Variants in STK32B observed in about 807,000 individuals in gnomAD.
The protein encoded by STK32B is serine/threonine kinase 32B, also known as serine/threonine-protein kinase 32B.
Under a neutral mutation model 52.6 loss-of-function variants are expected in STK32B, and 43 were observed. That is an observed-to-expected ratio of 0.82 (90% CI 0.64 to 1.05). The LOEUF (loss-of-function observed/expected upper bound fraction) is 1.05, where lower values mean the gene tolerates loss of function less well. STK32B is among the 50% of genes least tolerant of loss of function. The probability of loss-of-function intolerance (pLI) is 0.00; values close to 1 mark genes in which losing one functional copy is unlikely to be tolerated. For missense variants in STK32B, 621 were observed against 534.6 expected (o/e 1.16, Z -1.59); for synonymous variants, 238 against 204.3 (o/e 1.17, Z -1.41).
At chr4:5,447,638 A>G (rs923307897) in intron 7 of STK32B, among the ~76,000 whole-genome samples, 34 of 152,220 alleles carry the variant, frequency 2.2e-4, no homozygotes, top group Non-Finnish European at 2.6e-4. Context: ...CCTGTCTCAG[A>G]AAAAGAAAGT....
At chr4:5,314,326 A>G (rs67737611) in intron 3 of STK32B, among the ~76,000 whole-genome samples, 17,782 of 152,216 alleles carry the variant, frequency 0.12, 2,630 homozygotes, top group African/African-American at 0.35. Flanking sequence ...GTAATTGGAC[A>G]ACTGTAAGCA....
chr4:5,113,862 A>T (rs1424028357), intron 1 of STK32B, among the ~76,000 whole-genome samples: 1 of 152,160 alleles, frequency 6.6e-6, no homozygotes, highest in East Asian at 1.9e-4. Context: ...GGCAAGGAGG[A>T]CCGAATCACA....
At chr4:5,458,061 ACCAG>A (rs1254542040) in intron 8 of STK32B, among the ~76,000 whole-genome samples, 17 of 152,166 alleles carry the variant, frequency 1.1e-4, no homozygotes, top group Non-Finnish European at 2.2e-4. Context: ...TGGGCCTAGG[ACCAG>A]CCAGCATCAG....
intron 9 of STK32B, among the ~76,000 whole-genome samples, chr4:5,462,404 C>CTGTG (rs375327182): frequency 1.3e-5 from 2 of 150,096 alleles, no homozygotes; most frequent in African/African-American, 4.9e-5. Context: ...GTGTGTGCAT[C>CTGTG]TGTGTGTGTG....
chr4:5,253,233 C>A (rs75229249), intron 3 of STK32B, among the ~76,000 whole-genome samples: 1 of 152,062 alleles, frequency 6.6e-6, no homozygotes, highest in Non-Finnish European at 1.5e-5. Flanking sequence ...TTCCCTTCAA[C>A]TCTGCTTGAA....
intron 3 of STK32B, among the ~76,000 whole-genome samples, chr4:5,279,224 A>G (rs1360652489): frequency 6.6e-6 from 1 of 152,228 alleles, no homozygotes; most frequent in African/African-American, 2.4e-5. Flanking sequence ...ATCAAAAACA[A>G]GTTAGTTACT....
intron 4 of STK32B, among the ~76,000 whole-genome samples, chr4:5,338,079 G>A (rs1465674395): frequency 6.6e-6 from 1 of 152,198 alleles, no homozygotes; most frequent in Non-Finnish European, 1.5e-5. Flanking sequence ...TGAGTGGATA[G>A]AGAAGGATAA....
chr4:5,270,460 T>A (rs951701869), intron 3 of STK32B, among the ~76,000 whole-genome samples: 1 of 151,858 alleles, frequency 6.6e-6, no homozygotes, highest in African/African-American at 2.4e-5. Flanking sequence ...CCTTTCCCAG[T>A]CCACTGACTC....
intron 6 of STK32B, among the ~76,000 whole-genome samples, chr4:5,442,312 G>C (rs549449847): frequency 6.6e-6 from 1 of 151,998 alleles, no homozygotes; most frequent in Non-Finnish European, 1.5e-5. Flanking sequence ...TATATATTTA[G>C]AATAGTTAGC....
chr4:5,358,747 A>G (rs890465994), intron 4 of STK32B, among the ~76,000 whole-genome samples: 28 of 152,216 alleles, frequency 1.8e-4, no homozygotes, highest in Non-Finnish European at 3.4e-4. Context: ...ACACAGTTGC[A>G]TATATTTATA....
At chr4:5,035,831 G>C in the STK32B span, among the ~76,000 whole-genome samples, 1 of 150,950 alleles carries the variant, frequency 6.6e-6, no homozygotes, top group Admixed American at 6.6e-5. Flanking sequence ...ACCCAGGCTG[G>C]AGTGCAGTGG....
chr4:5,098,098 A>G (rs908453023), intron 1 of STK32B, among the ~76,000 whole-genome samples: 24 of 152,350 alleles, frequency 1.6e-4, no homozygotes, highest in Middle Eastern at 3.4e-3. Flanking sequence ...CACTCGCATT[A>G]TATTTTATTG....
intron 6 of STK32B, among the ~76,000 whole-genome samples, chr4:5,444,992 C>T (rs867483453): frequency 2.0e-5 from 3 of 152,144 alleles, no homozygotes; most frequent in East Asian, 1.9e-4. Context: ...TTGTGCTGAA[C>T]GAAATGTTGA....
intron 3 of STK32B, among the ~76,000 whole-genome samples, chr4:5,276,391 C>T (rs915976575): frequency 1.6e-4 from 24 of 152,120 alleles, no homozygotes; most frequent in Admixed American, 1.5e-3. Flanking sequence ...TTGGGGAGGT[C>T]AGCAAGGGGC....
chr4:5,280,324 T>C (rs367654495), intron 3 of STK32B, among the ~76,000 whole-genome samples: 1 of 152,150 alleles, frequency 6.6e-6, no homozygotes, highest in Admixed American at 6.5e-5. Flanking sequence ...AAGTTCCTCA[T>C]CTCCATCTGA....
intron 4 of STK32B, among the ~76,000 whole-genome samples, chr4:5,379,617 T>C (rs932889967): frequency 5.9e-5 from 9 of 152,072 alleles, no homozygotes; most frequent in African/African-American, 2.2e-4. Context: ...TAAAGTGAGG[T>C]CATTAGGATG....
chr4:5,324,238 C>T (rs959595097), intron 3 of STK32B, among the ~76,000 whole-genome samples: 1 of 152,132 alleles, frequency 6.6e-6, no homozygotes. Context: ...CCTGTAATCC[C>T]AGCTACTGGG....
intron 3 of STK32B, among the ~76,000 whole-genome samples, chr4:5,197,198 T>G (rs1721747887): frequency 6.6e-6 from 1 of 152,192 alleles, no homozygotes; most frequent in Non-Finnish European, 1.5e-5. Context: ...AGAGCTCACC[T>G]TGGCACATCA....
chr4:5,221,918 A>C (rs1656339365), intron 3 of STK32B, among the ~76,000 whole-genome samples: 1 of 151,882 alleles, frequency 6.6e-6, no homozygotes, highest in South Asian at 2.1e-4. Flanking sequence ...AGCCTTTAAG[A>C]GATGATTAGG....
Sources: allele counts gnomAD v4.1 joint callset (sites outside exome capture counted in the v4.1 genomes callset), GRCh38; gene constraint gnomAD v4.1.1; transcripts MANE v1.5; gene names NCBI Gene and HGNC (gene_info 2026-07-23, HGNC 2026-07-21).